SLC47A1: variants seen among roughly 807,000 people sequenced by gnomAD.
SLC47A1 encodes the protein multidrug and toxin extrusion protein 1.
Under a neutral mutation model 65.8 loss-of-function variants are expected in SLC47A1, and 58 were observed. The observed-to-expected ratio is 0.88, with a 90% confidence interval of 0.71 to 1.10. The LOEUF (loss-of-function observed/expected upper bound fraction) is 1.10, where lower values mean the gene tolerates loss of function less well. Among genes scored for constraint, SLC47A1 ranks in the 50% least tolerant of loss-of-function variants. SLC47A1 has a pLI of 0.00. For missense variants in SLC47A1, 706 were observed against 719.2 expected (o/e 0.98, Z 0.21); for synonymous variants, 285 against 295.0 (o/e 0.97, Z 0.35).
At chr17:19,565,942 C>G (rs2084354277) in intron 12 of SLC47A1, among the ~76,000 whole-genome samples, 1 of 152,214 alleles carries the variant, frequency 6.6e-6, no homozygotes, top group Non-Finnish European at 1.5e-5. Flanking sequence ...CAATTGCGTG[C>G]GGTTATGAGT....
At chr17:19,570,614 G>C (rs1041538072) in intron 14 of SLC47A1, among the ~76,000 whole-genome samples, 2 of 152,216 alleles carry the variant, frequency 1.3e-5, no homozygotes, top group African/African-American at 4.8e-5. Context: ...GAAGTTACTG[G>C]TTAGCTTCCT....
At chr17:19,561,682 G>C (rs1281125198) in intron 12 of SLC47A1, among the ~76,000 whole-genome samples, 6 of 150,498 alleles carry the variant, frequency 4.0e-5, no homozygotes, top group Non-Finnish European at 8.9e-5. Context: ...CTCCACTGAT[G>C]TTACTTGGGA....
intron 1 of SLC47A1, 99 bp downstream of exon 1, chr17:19,534,173 C>G: frequency 7.4e-7 from 1 of 1,352,462 alleles, no homozygotes; most frequent in East Asian, 3.0e-5. Context: ...GGGGACCGAG[C>G]GAGCTGTCCG....
At chr17:19,558,652 C>T (rs1229357175) in intron 10 of SLC47A1, among the ~76,000 whole-genome samples, 2 of 151,890 alleles carry the variant, frequency 1.3e-5, no homozygotes, top group African/African-American at 4.8e-5. Context: ...GTTATGTTGC[C>T]CAGGCTGGTC....
Position 19,551,423 on chromosome 17 carries a change from G to A in SLC47A1, c.499-1G>A, listed in dbSNP as rs1744082629. 1 of 1,606,216 alleles carries A rather than the reference G, an allele frequency of 6.2e-7. No homozygotes were observed. Among genetic ancestry groups the A allele is most frequent in the African/African-American group, 1.3e-5 (1 of 74,738 alleles). ...CATTCATCTCTCTTGTTCTCTTGTAGGCAACCTTTCTTTATATGTTACAAG... is the reference window on the plus strand; with the variant it reads ...CATTCATCTCTCTTGTTCTCTTGTAAGCAACCTTTCTTTATATGTTACAAG... On this transcript the variant is annotated splice_acceptor_variant, in intron 5 of 16. Coordinates refer to ENST00000270570, the MANE Select transcript of SLC47A1 (RefSeq NM_018242.3). LOFTEE classifies it high-confidence loss of function.
At chr17:19,538,422 T>A (rs1478812486) in intron 1 of SLC47A1, among the ~76,000 whole-genome samples, 1 of 152,242 alleles carries the variant, frequency 6.6e-6, no homozygotes, top group Admixed American at 6.5e-5. Context: ...TACACATCAC[T>A]ATCCGGGGAA....
chr17:19,548,246 C>T, intron 4 of SLC47A1, 113 bp downstream of exon 4: 5 of 1,349,018 alleles, frequency 3.7e-6, no homozygotes, highest in Non-Finnish European at 5.0e-6. Flanking sequence ...GTGCTCATCT[C>T]TCCTTGGCTG....
intron 12 of SLC47A1, among the ~76,000 whole-genome samples, chr17:19,561,332 T>C (rs571436389): frequency 7.9e-5 from 12 of 152,132 alleles, no homozygotes; most frequent in African/African-American, 2.9e-4. Context: ...GCAGCAGGGA[T>C]GTCTGACTCA....
intron 14 of SLC47A1, among the ~76,000 whole-genome samples, chr17:19,569,060 C>T (rs921522808): frequency 5.9e-5 from 9 of 152,022 alleles, no homozygotes; most frequent in African/African-American, 2.2e-4. Flanking sequence ...CCGTCCTTGG[C>T]TCACCTATTC....
rs868123182 is a variant in SLC47A1 at position 19,578,235 on chromosome 17, CCAAA to C, written c.*687_*690del. ...GGGAAATCTTTCGAGCTGTGGAAAT[CCAAA>C]CAAAGACTGATAATTCCTGGTAGGG... On this transcript the variant is annotated 3_prime_UTR_variant, in exon 17 of 17. Coordinates refer to ENST00000270570, the MANE Select transcript of SLC47A1 (RefSeq NM_018242.3). 3.6e-4 allele frequency: 124 copies of C among 347,542 alleles called. No homozygotes were observed. Among genetic ancestry groups the C allele is most frequent in the Middle Eastern group, 1.6e-3 (4 of 2,578 alleles). The allele number at this position is 347,542 out of a possible 1,614,324, so 21.5% of individuals were successfully genotyped here.
chr17:19,575,060 TCTCC>T (rs528823749), intron 16 of SLC47A1, among the ~76,000 whole-genome samples: 26 of 150,346 alleles, frequency 1.7e-4, no homozygotes, highest in Admixed American at 4.7e-4. Context: ...ATTTTCTTTT[TCTCC>T]CTCCCTCCCT....
At chr17:19,562,044 G>A (rs1038246479) in intron 12 of SLC47A1, among the ~76,000 whole-genome samples, 1 of 152,158 alleles carries the variant, frequency 6.6e-6, no homozygotes, top group African/African-American at 2.4e-5. Context: ...CTTCATCAGC[G>A]ATGCTAGTGT....
At chr17:19,541,391 G>A (rs559299497) in intron 1 of SLC47A1, among the ~76,000 whole-genome samples, 6 of 152,182 alleles carry the variant, frequency 3.9e-5, no homozygotes, top group South Asian at 2.1e-4. Flanking sequence ...ATACTGGACC[G>A]CCTGGGTCTA....
At chr17:19,541,271 G>A (rs547358595) in intron 1 of SLC47A1, among the ~76,000 whole-genome samples, 6 of 152,138 alleles carry the variant, frequency 3.9e-5, no homozygotes, top group Admixed American at 6.5e-5. Flanking sequence ...AGGCAGCGGC[G>A]GCAGCAGCAA....
intron 1 of SLC47A1, among the ~76,000 whole-genome samples, chr17:19,540,863 C>CAT (rs1916126810): frequency 6.6e-6 from 1 of 151,672 alleles, no homozygotes; most frequent in African/African-American, 2.4e-5. Context: ...CACACACACA[C>CAT]ACACACACAC....
At chr17:19,577,178 A>G (rs2084447328) in intron 16 of SLC47A1, 149 bp from the exon 17 acceptor site, 8 of 1,190,002 alleles carry the variant, frequency 6.7e-6, no homozygotes, top group Admixed American at 5.7e-5. Flanking sequence ...GCACTCTGCG[A>G]TAAGATTTCT....
intron 6 of SLC47A1, among the ~76,000 whole-genome samples, chr17:19,552,453 G>A (rs918213810): frequency 2.0e-5 from 3 of 152,156 alleles, no homozygotes; most frequent in South Asian, 2.1e-4. Flanking sequence ...CATTTCATCC[G>A]GCTTTGGGCT....
At chr17:19,566,746 TC>T in intron 12 of SLC47A1, 43 bp from the exon 13 acceptor site, 1 of 1,588,384 alleles carries the variant, frequency 6.3e-7, no homozygotes, top group Non-Finnish European at 8.6e-7. Context: ...TACTTCTTTC[TC>T]CACTTTGTCT....
chr17:19,564,466 A>G (rs2084340565), intron 12 of SLC47A1: 1 of 152,128 alleles, frequency 6.6e-6, no homozygotes. Context: ...ATACATTTGT[A>G]TTTGCTTATA....
Sources: allele counts gnomAD v4.1 joint callset (sites outside exome capture counted in the v4.1 genomes callset), GRCh38; gene constraint gnomAD v4.1.1; transcripts MANE v1.5; gene names NCBI Gene and HGNC (gene_info 2026-07-23, HGNC 2026-07-21).